Variants in MLPH observed in about 807,000 individuals in gnomAD.
MLPH encodes melanophilin.
Under a neutral mutation model 72.1 loss-of-function variants are expected in MLPH, and 51 were observed. The observed-to-expected ratio is 0.71, with a 90% CI of 0.56 to 0.89. MLPH has a LOEUF of 0.89. MLPH is among the 40% of genes least tolerant of loss of function. The pLI is 0.00. For missense variants in MLPH, 743 were observed against 759.9 expected (o/e 0.98, Z 0.26); for synonymous variants, 301 against 310.1 (o/e 0.97, Z 0.31).
intron 4 of MLPH, among the ~76,000 whole-genome samples, chr2:237,515,766 G>T (rs748960289): frequency 6.6e-6 from 1 of 152,192 alleles, no homozygotes; most frequent in Non-Finnish European, 1.5e-5. Context: ...AGGCAGGGGT[G>T]CTGCCCACTG....
In MLPH at chr2:237,510,783, G is replaced by A; in HGVS notation, c.320G>A (p.Cys107Tyr). The A allele has an allele frequency of 6.2e-7, 1 of 1,613,428 alleles. No individual in the cohort carries two copies. Among genetic ancestry groups the A allele is most frequent in the Non-Finnish European group, 8.5e-7 (1 of 1,180,038 alleles). The change falls in exon 3 of 16, where the codon TGC becomes TAC. Residue 107 changes from cysteine to tyrosine, a missense_variant. By Grantham distance (194) the Cys-to-Tyr change is radical. Transcript: ENST00000264605. This position sits in a 1 kb window ranked among gnomAD's most constrained non-coding sequence, Gnocchi z 4.4. ...GAGCAGGGCTGGATCTGTGACCCCT[G>A]CCATCTGGCCAGGTGAGCCCAGGCC... ...PEEQGWICDPCHLARVVKIGS... is the reference protein window; with the variant it reads ...PEEQGWICDPYHLARVVKIGS...
Position 237,509,145 on chromosome 2 carries a change from C to T in MLPH, c.111-1429C>T, listed in dbSNP as rs77714386. Among the ~76,000 whole-genome samples the T allele has an allele frequency of 5.1e-3, 773 of 152,306 alleles. 13 individuals carry two copies. Among genetic ancestry groups the T allele is most frequent in the African/African-American group, 0.018 (751 of 41,552 alleles). Reference sequence around the variant, plus strand: ...CCAAATGGAGTCTTCTCTGCCCTCCCTTCCTGGTCTCTGGCTATGAAGAAG... The same window carrying T: ...CCAAATGGAGTCTTCTCTGCCCTCCTTTCCTGGTCTCTGGCTATGAAGAAG... On this transcript the variant is annotated intron_variant, in intron 2 of 15. Coordinates refer to ENST00000264605, the MANE Select transcript of MLPH (RefSeq NM_024101.7).
rs972506045 is a variant in MLPH at position 237,554,066 on chromosome 2, T to C, written c.*474T>C. ...TTTGCGTATTTCTTGTGGGTGTGAC[T>C]GGATATTAGACATCCGGACAAGTGA... On this transcript the variant is annotated 3_prime_UTR_variant, in exon 16 of 16. Transcript: ENST00000264605. 7 of 301,766 alleles carry C rather than the reference T, an allele frequency of 2.3e-5. No homozygotes were observed. The highest frequency in any genetic ancestry group is 1.1e-4 in the African/African-American group (5 of 46,312). 18.7% of individuals were successfully genotyped at this position (301,766 alleles called of 1,614,324 possible).
intron 4 of MLPH, among the ~76,000 whole-genome samples, chr2:237,515,806 C>A (rs1433313545): frequency 2.0e-5 from 3 of 152,172 alleles, no homozygotes. Context: ...CGTGATGAAG[C>A]TGGACCAGCT....
intron 8 of MLPH, among the ~76,000 whole-genome samples, chr2:237,530,948 C>G (rs183557199): frequency 1.0e-3 from 155 of 152,364 alleles, no homozygotes; most frequent in African/African-American, 3.6e-3. Flanking sequence ...AGTTCTGCAA[C>G]ACGGAACACA....
chr2:237,508,720 T>C (rs6737888), intron 2 of MLPH, among the ~76,000 whole-genome samples: 52,466 of 151,978 alleles, frequency 0.35, 11,878 homozygotes, highest in African/African-American at 0.65. Flanking sequence ...TCCCCCTCCA[T>C]TGTGAGCTGT....
chr2:237,525,519 C>G, intron 6 of MLPH, 82 bp from the exon 7 acceptor site: 6 of 1,435,340 alleles, frequency 4.2e-6, no homozygotes, highest in Admixed American at 1.7e-5. Context: ...AGCCTCAGGG[C>G]TTGGATTGAA....
At chr2:237,547,329 G>T in intron 13 of MLPH, among the ~76,000 whole-genome samples, 1 of 151,574 alleles carries the variant, frequency 6.6e-6, no homozygotes, top group African/African-American at 2.4e-5. Context: ...GGAGGGAGGA[G>T]CTCCCCGTGT....
In MLPH at chr2:237,541,460, C is replaced by G. The variant is rs1469287977; in HGVS notation, c.1446+503C>G. Among the ~76,000 whole-genome samples, 1 of 152,176 alleles carries G rather than the reference C, an allele frequency of 6.6e-6. No homozygotes were observed. Among genetic ancestry groups the G allele is most frequent in the Non-Finnish European group, 1.5e-5 (1 of 68,030 alleles). Reference sequence around the variant, plus strand: ...GAGGTGACTTAGGCACTGCTCTGTCCTCCCTGGAGACCTACAGAGAGGAGA... The same window carrying G: ...GAGGTGACTTAGGCACTGCTCTGTCGTCCCTGGAGACCTACAGAGAGGAGA... On this transcript the variant is annotated intron_variant, in intron 11 of 15. Transcript: ENST00000264605. This position sits in a 1 kb window ranked among gnomAD's most constrained non-coding sequence, Gnocchi z 5.1.
At chr2:237,509,084 C>T (rs111933896) in intron 2 of MLPH, among the ~76,000 whole-genome samples, 116 of 152,324 alleles carry the variant, frequency 7.6e-4, no homozygotes, top group African/African-American at 2.6e-3. Context: ...CTTGTTGATA[C>T]GTCCTGGAGT....
In MLPH at chr2:237,487,634, C is replaced by G. The variant is rs1431984415; in HGVS notation, c.-25+197C>G. 2.0e-5 allele frequency among the ~76,000 whole-genome samples: 3 copies of G among 152,250 alleles called. No homozygotes were observed. The East Asian group carries it at 5.8e-4, about 29-fold the overall frequency. On this transcript the variant is annotated intron_variant, in intron 1 of 15. Transcript: ENST00000264605. Reference sequence around the variant, plus strand: ...CCCAGCCTTAGTCCCCCAGGCTTCACCTGGATTCTTTGAGCAGACTGCTCT... The same window carrying G: ...CCCAGCCTTAGTCCCCCAGGCTTCAGCTGGATTCTTTGAGCAGACTGCTCT...
intron 12 of MLPH, among the ~76,000 whole-genome samples, chr2:237,543,374 G>GACCGTGGTGAGTGGGGGA (rs2080775068): frequency 4.9e-5 from 1 of 20,354 alleles, no homozygotes; most frequent in South Asian, 3.4e-3. Context: ...TGAGTGGGGG[G>GACCGTGGTGAGTGGGGGA]ACAGTGGTGA....
intron 13 of MLPH, among the ~76,000 whole-genome samples, 165 bp from the exon 14 acceptor site, chr2:237,549,055 GA>G (rs1438706590): frequency 1.3e-5 from 2 of 152,180 alleles, no homozygotes; most frequent in African/African-American, 2.4e-5. Flanking sequence ...TTAATTTATT[GA>G]AAATGTCCAT....
rs2079865076 is a variant in MLPH, at chr2:237,510,426, T to C, written c.111-148T>C. On this transcript the variant is annotated intron_variant, in intron 2 of 15. Transcript: ENST00000264605. This position sits in a 1 kb window ranked among gnomAD's most constrained non-coding sequence, Gnocchi z 4.4. ...GATGCCTGTGTGGCTTTGCCCAACG[T>C]TGGGTCACTGTTTTCTGCATAGGAG... is the stretch of plus-strand genomic sequence containing the variant. The C allele has an allele frequency of 1.7e-5, 15 of 857,350 alleles. No homozygotes were observed. The East Asian group carries it at 4.0e-4, about 23-fold the overall frequency. The allele number at this position is 857,350 out of a possible 1,614,324, so 53.1% of individuals were successfully genotyped here.
chr2:237,508,597 AC>A (rs1196075031), intron 2 of MLPH, among the ~76,000 whole-genome samples: 1 of 151,964 alleles, frequency 6.6e-6, no homozygotes, highest in African/African-American at 2.4e-5. Context: ...CTTGTGACTC[AC>A]CCCCCTAAAG....
chr2:237,546,931 C>T (rs907059712), intron 13 of MLPH, among the ~76,000 whole-genome samples: 1 of 152,154 alleles, frequency 6.6e-6, no homozygotes, highest in South Asian at 2.1e-4. Flanking sequence ...AGTAGGGGAG[C>T]GGGAAAGTGA....
At chr2:237,527,097 T>C (rs2080320740) in intron 7 of MLPH, among the ~76,000 whole-genome samples, 1 of 152,198 alleles carries the variant, frequency 6.6e-6, no homozygotes. Flanking sequence ...CAATTTGAAA[T>C]TGGGAATCAT....
rs559557198 is a variant in MLPH at position 237,548,168 on chromosome 2, C to G, written c.1618-1053C>G. On this transcript the variant is annotated intron_variant, in intron 13 of 15. Coordinates refer to ENST00000264605, the MANE Select transcript of MLPH (RefSeq NM_024101.7). ...GATCAAGATCACAGACAGGAAGTGA[C>G]AGCGGGGTCTCAGCCCAGGCCATGC... Among the ~76,000 whole-genome samples, 17 of 152,306 alleles carry G rather than the reference C, an allele frequency of 1.1e-4. No homozygotes were observed. In the Middle Eastern group the frequency reaches 0.01, roughly 91 times the overall value.
chr2:237,503,457 G>C (rs907245806), intron 2 of MLPH, among the ~76,000 whole-genome samples: 1 of 152,072 alleles, frequency 6.6e-6, no homozygotes, highest in Non-Finnish European at 1.5e-5. Context: ...GGTAATTCCC[G>C]ACACGCGTTC....
Sources: allele counts gnomAD v4.1 joint callset (sites outside exome capture counted in the v4.1 genomes callset), GRCh38; gene constraint gnomAD v4.1.1; non-coding constraint Gnocchi (gnomAD v3.1); transcripts MANE v1.5; gene names NCBI Gene and HGNC (gene_info 2026-07-23, HGNC 2026-07-21).